TSNARE1: variants seen among roughly 807,000 people sequenced by gnomAD.
TSNARE1 encodes the protein t-SNARE domain-containing protein 1.
Under a neutral mutation model 62.0 loss-of-function variants are expected in TSNARE1, and 49 were observed. That is an observed-to-expected ratio of 0.79 (90% CI 0.63 to 1.00). The LOEUF (loss-of-function observed/expected upper bound fraction) is 1.00, where lower values mean the gene tolerates loss of function less well. TSNARE1 is among the 50% of genes least tolerant of loss of function. TSNARE1 has a pLI of 0.00. For missense variants in TSNARE1, 755 were observed against 700.1 expected, an observed-to-expected ratio of 1.08 and a Z score of -0.88; for synonymous variants, 328 against 294.4, an observed-to-expected ratio of 1.11 and a Z score of -1.17.
chr8:142,254,131 C>G (rs1028514977), intron 12 of TSNARE1, among the ~76,000 whole-genome samples: 4 of 152,266 alleles, frequency 2.6e-5, no homozygotes, highest in African/African-American at 9.6e-5. Context: ...GCTCTGGCCC[C>G]GGGAGCCCGG....
In TSNARE1 at chr8:142,348,517, G is replaced by A. The variant is rs543959521; in HGVS notation, c.89-2625C>T. On this transcript the variant is annotated intron_variant, in intron 2 of 13. Coordinates refer to ENST00000524325, the MANE Select transcript of TSNARE1 (RefSeq NM_145003.5). ...GGCACCCCATGCCCACCCTCCCCTG[G>A]CCCCCGCTCCCGCCCCAGGCTGCCC... 2.4e-3 allele frequency among the ~76,000 whole-genome samples: 339 copies of A among 141,474 alleles called. 1 individual carries two copies. Among genetic ancestry groups the A allele is most frequent in the African/African-American group, 8.5e-3 (326 of 38,386 alleles). 92.8% of individuals were successfully genotyped at this position (141,474 alleles called of 152,430 possible). A position where few individuals can be genotyped will look rare whatever the true frequency, so the allele number is the denominator to read the frequency against.
intron 1 of TSNARE1, among the ~76,000 whole-genome samples, chr8:142,373,206 G>A (rs1244580994): frequency 6.6e-6 from 1 of 152,196 alleles, no homozygotes; most frequent in African/African-American, 2.4e-5. Context: ...GCCTGGAGCT[G>A]GGCACAACTC....
intron 10 of TSNARE1, among the ~76,000 whole-genome samples, chr8:142,288,347 A>G (rs1169938123): frequency 1.3e-5 from 2 of 152,236 alleles, no homozygotes; most frequent in African/African-American, 2.4e-5. Flanking sequence ...CACAACCCCA[A>G]AAGCGCGGGC....
chr8:142,217,491 G>A (rs1586744713), intron 13 of TSNARE1, among the ~76,000 whole-genome samples: 1 of 152,210 alleles, frequency 6.6e-6, no homozygotes, highest in Non-Finnish European at 1.5e-5. Flanking sequence ...CTGGCCAGAG[G>A]CGAGAGCCAG....
At chr8:142,364,715 G>GAACCAGCT (rs1402437702) in intron 1 of TSNARE1, among the ~76,000 whole-genome samples, 2 of 152,292 alleles carry the variant, frequency 1.3e-5, no homozygotes, top group East Asian at 3.9e-4. Context: ...AAGGACACAA[G>GAACCAGCT]AACCAGCTTG....
chr8:142,269,941 C>G (rs185277711), intron 12 of TSNARE1: 5 of 985,466 alleles, frequency 5.1e-6, no homozygotes, highest in Middle Eastern at 5.2e-4. Flanking sequence ...AAAGGCCCCT[C>G]TCCCTGCTCT....
intron 11 of TSNARE1, chr8:142,276,072 C>T: frequency 1.0e-6 from 1 of 985,310 alleles, no homozygotes; most frequent in Admixed American, 6.1e-5. Flanking sequence ...ACCCTTGCCC[C>T]CAGCGCAGGG....
chr8:142,236,650 G>C (rs1817440568), intron 12 of TSNARE1, among the ~76,000 whole-genome samples: 1 of 151,984 alleles, frequency 6.6e-6, no homozygotes, highest in Non-Finnish European at 1.5e-5. Context: ...GGCTCCCCTA[G>C]ACCCCACCTC....
intron 12 of TSNARE1, among the ~76,000 whole-genome samples, chr8:142,237,747 G>A (rs1817503171): frequency 6.6e-6 from 1 of 152,186 alleles, no homozygotes; most frequent in African/African-American, 2.4e-5. Flanking sequence ...CCCACCAGCA[G>A]GCCCCGGGTG....
chr8:142,379,719 G>A (rs1836596151), intron 1 of TSNARE1, among the ~76,000 whole-genome samples: 1 of 152,192 alleles, frequency 6.6e-6, no homozygotes, highest in South Asian at 2.1e-4. Flanking sequence ...CCCAAGTCAG[G>A]TGTAGGGCCC....
At chr8:142,270,630 A>G in intron 12 of TSNARE1, 7 of 985,338 alleles carry the variant, frequency 7.1e-6, no homozygotes, top group African/African-American at 1.7e-5. Context: ...CCAAAGGGAC[A>G]GGGGCTTTCA....
chr8:142,352,457 A>C (rs1412713243), intron 2 of TSNARE1, among the ~76,000 whole-genome samples: 9 of 152,250 alleles, frequency 5.9e-5, no homozygotes, highest in African/African-American at 1.9e-4. Flanking sequence ...CCAGCCCAGG[A>C]ACGCCACGCC....
chr8:142,278,271 G>T (rs1283257127), intron 11 of TSNARE1: 1 of 985,334 alleles, frequency 1.0e-6, no homozygotes, highest in Non-Finnish European at 1.2e-6. Flanking sequence ...ATGGGTCCCA[G>T]CCTCATGCAC....
chr8:142,396,163 C>A (rs942173483), intron 1 of TSNARE1, among the ~76,000 whole-genome samples: 2 of 152,134 alleles, frequency 1.3e-5, no homozygotes, highest in Non-Finnish European at 2.9e-5. Context: ...CAATGCCCAG[C>A]TTCCCATTGG....
chr8:142,323,672 T>C (rs1196712739), intron 6 of TSNARE1, among the ~76,000 whole-genome samples: 2 of 152,172 alleles, frequency 1.3e-5, no homozygotes, highest in Non-Finnish European at 2.9e-5. Flanking sequence ...GCAGGGCACT[T>C]GGCCCAAGGA....
intron 12 of TSNARE1, chr8:142,272,852 C>T (rs1819829097): frequency 1.0e-6 from 1 of 983,924 alleles, no homozygotes; most frequent in South Asian, 4.7e-5. Flanking sequence ...TATGCAGAGG[C>T]AACTTCACAG....
At position 142,337,515 on chromosome 8, in the gene TSNARE1, C is replaced by T. The variant is rs534089675; in HGVS notation, c.746-5684G>A. On this transcript the variant is annotated intron_variant, in intron 4 of 13. Coordinates refer to ENST00000524325, the MANE Select transcript of TSNARE1 (RefSeq NM_145003.5). ...GCCCAGCAATAAAGCCAGGACTCGGCGCAACCGTGCTTTCTAGAAACGGCT... is the reference window on the plus strand; with the variant it reads ...GCCCAGCAATAAAGCCAGGACTCGGTGCAACCGTGCTTTCTAGAAACGGCT... Among the ~76,000 whole-genome samples the T allele has an allele frequency of 2.6e-5, 4 of 152,366 alleles. No individual in the cohort carries two copies. The South Asian group carries it at 6.2e-4, about 24-fold the overall frequency.
At chr8:142,275,036 G>A in intron 11 of TSNARE1, 173 bp from the exon 12 acceptor site, 1 of 985,422 alleles carries the variant, frequency 1.0e-6, no homozygotes, top group Non-Finnish European at 1.2e-6. Flanking sequence ...GCGTGGTGTG[G>A]GCAGTGGGCA....
intron 12 of TSNARE1, among the ~76,000 whole-genome samples, chr8:142,246,831 C>G (rs1817905441): frequency 6.6e-6 from 1 of 152,244 alleles, no homozygotes; most frequent in Non-Finnish European, 1.5e-5. Flanking sequence ...GTCATCCCCA[C>G]CAACCTGTGT....
Sources: allele counts gnomAD v4.1 joint callset (sites outside exome capture counted in the v4.1 genomes callset), GRCh38; gene constraint gnomAD v4.1.1; transcripts MANE v1.5; gene names NCBI Gene and HGNC (gene_info 2026-07-23, HGNC 2026-07-21).